The following TEC variants were observed in gnomAD, a reference collection of about 807,000 sequenced individuals.
TEC encodes the protein tec protein tyrosine kinase.
TEC carries 72 observed loss-of-function variants against 93.0 expected under a neutral mutation model. The ratio of observed to expected loss-of-function variants is 0.77; its 90% CI spans 0.64 to 0.94. TEC has a LOEUF of 0.94. Ranked by LOEUF, TEC falls within the 40% of genes least tolerant of loss-of-function variation. The pLI is 0.00. For synonymous variants in TEC, 249 were observed against 247.7 expected (o/e 1.01, Z -0.05); for missense variants, 630 against 757.9 (o/e 0.83, Z 1.98).
rs1240965997 is a variant in TEC at position 48,146,375 on chromosome 4, G to C, written c.1031C>G (p.Pro344Arg). Residue 344 changes from proline to arginine, a missense_variant, in exon 12 of 18, where the codon CCA becomes CGA. Around this residue, in one of 3 missense-constraint regions of TEC, gnomAD observed 289 missense variants for 390.0 expected, o/e 0.74. Coordinates refer to ENST00000381501, the MANE Select transcript of TEC (RefSeq NM_003215.3). ...AAGLVTRLRY[P>R]VSVKGKNAPT... ...TGCATTCTTCCCTTTCACACTAACT[G>C]GGTACCGAAGCCTGGTGACAAGTCC... 5.6e-6 allele frequency: 9 copies of C among 1,613,820 alleles called. No individual in the cohort carries two copies. The highest frequency in any genetic ancestry group is 6.8e-6 in the Non-Finnish European group (8 of 1,179,806).
intron 2 of TEC, among the ~76,000 whole-genome samples, chr4:48,226,768 C>T (rs941452822): frequency 4.6e-5 from 7 of 152,186 alleles, no homozygotes; most frequent in African/African-American, 1.4e-4. Context: ...GTGTCCCTAA[C>T]CCTACATTGA....
intron 10 of TEC, among the ~76,000 whole-genome samples, chr4:48,150,341 C>T (rs1384341740): frequency 1.3e-5 from 2 of 152,156 alleles, no homozygotes; most frequent in African/African-American, 4.8e-5. Flanking sequence ...AGAAACACTC[C>T]GTCTCCTCCC....
intron 9 of TEC, among the ~76,000 whole-genome samples, chr4:48,152,521 T>C (rs1392632857): frequency 1.3e-5 from 2 of 152,156 alleles, no homozygotes; most frequent in African/African-American, 4.8e-5. Context: ...ATTTATTCTG[T>C]TCTAATGTTC....
intron 1 of TEC, among the ~76,000 whole-genome samples, chr4:48,238,652 T>A (rs1163661149): frequency 6.7e-6 from 1 of 149,492 alleles, no homozygotes; most frequent in African/African-American, 2.5e-5. Context: ...TGCAGATATA[T>A]GCATTACATA....
chr4:48,200,998 G>C (rs1466457411), intron 2 of TEC, among the ~76,000 whole-genome samples: 1 of 152,152 alleles, frequency 6.6e-6, no homozygotes, highest in Non-Finnish European at 1.5e-5. Flanking sequence ...ATTGTGTGTG[G>C]TACATAGCAT....
chr4:48,172,156 G>A (rs4695343), intron 3 of TEC, among the ~76,000 whole-genome samples: 57,666 of 152,050 alleles, frequency 0.38, 11,960 homozygotes, highest in East Asian at 0.9. Context: ...AGTCCTTGGT[G>A]GGCAATTAGA....
chr4:48,239,929 G>A (rs1462859622), intron 1 of TEC, among the ~76,000 whole-genome samples: 2 of 151,880 alleles, frequency 1.3e-5, no homozygotes, highest in African/African-American at 2.4e-5. Flanking sequence ...TTGATGATAT[G>A]AGGATTTGAT....
intron 1 of TEC, 144 bp from the exon 2 acceptor site, chr4:48,228,803 G>C: frequency 1.7e-6 from 1 of 574,424 alleles, no homozygotes; most frequent in South Asian, 3.5e-5. Context: ...AGAATGCCTG[G>C]GGCACAAAAA....
intron 1 of TEC, among the ~76,000 whole-genome samples, chr4:48,260,508 A>G (rs191321601): frequency 2.6e-5 from 4 of 152,306 alleles, no homozygotes; most frequent in African/African-American, 9.6e-5. Context: ...CTGAAGCTCA[A>G]ACCTTCTATT....
chr4:48,168,764 T>A (rs1442020740), intron 5 of TEC, 138 bp from the exon 6 acceptor site: 1 of 793,052 alleles, frequency 1.3e-6, no homozygotes, highest in Admixed American at 2.9e-5. Context: ...TGGTGTATGC[T>A]GCTTGTATCT....
chr4:48,188,385 T>C (rs1560399451), intron 2 of TEC, among the ~76,000 whole-genome samples: 2 of 152,168 alleles, frequency 1.3e-5, no homozygotes, highest in Non-Finnish European at 2.9e-5. Context: ...TTTTTATTGA[T>C]AAAGAGACAT....
rs543503252 is a variant in TEC at position 48,156,668 on chromosome 4, A to C, written c.792+12T>G. On this transcript the variant is annotated intron_variant, in intron 9 of 17. Coordinates refer to ENST00000381501, the MANE Select transcript of TEC (RefSeq NM_003215.3). ...TTGCCCTTAAGCCAAACCCACAAGTACAAACACTTACTTCACTGCGGAGGA... is the reference window on the plus strand; with the variant it reads ...TTGCCCTTAAGCCAAACCCACAAGTCCAAACACTTACTTCACTGCGGAGGA... 1 of 1,608,000 alleles carries C rather than the reference A, an allele frequency of 6.2e-7. No homozygotes were observed. The highest frequency in any genetic ancestry group is 1.3e-5 in the African/African-American group (1 of 74,558).
intron 2 of TEC, among the ~76,000 whole-genome samples, chr4:48,195,325 C>T (rs1722261158): frequency 6.6e-6 from 1 of 152,030 alleles, no homozygotes; most frequent in Non-Finnish European, 1.5e-5. Flanking sequence ...AAAGCCTGAT[C>T]AAAGTTGTAA....
rs946299027 is a variant in TEC at position 48,136,038 on chromosome 4, G to T, written c.*1378C>A. 6.6e-6 allele frequency: 1 copy of T among 152,186 alleles called. No individual in the cohort carries two copies. The highest frequency in any genetic ancestry group is 6.5e-5 in the Admixed American group (1 of 15,286). The allele number at this position is 152,186 out of a possible 1,614,324, so 9.4% of individuals were successfully genotyped here. On this transcript the variant is annotated 3_prime_UTR_variant, in exon 18 of 18. Coordinates refer to ENST00000381501, the MANE Select transcript of TEC (RefSeq NM_003215.3). ...GAAGGGAAGGCGCTGTGTCTTCCTC[G>T]GCTAGTTACCCCACCAACAGCAAGA...
chr4:48,137,465 A>C lies in TEC; in HGVS notation c.1847T>G (p.Leu616Arg). 6.2e-7 allele frequency: 1 copy of C among 1,614,180 alleles called. No homozygotes were observed. The highest frequency in any genetic ancestry group is 8.5e-7 in the Non-Finnish European group (1 of 1,180,024). ...TTCAACTAGTTCATCTATTGTGCGC[A>C]GCAGATCTTCGAAAGAAGGCCTTCC... ...PEGRPSFEDLLRTIDELVECE... is the reference protein window; with the variant it reads ...PEGRPSFEDLRRTIDELVECE... The change falls in exon 18 of 18, where the codon CTG (leucine) becomes CGG (arginine). Residue 616 changes from leucine (L) to arginine (R), a missense_variant. This residue lies in a region of TEC where 289 missense variants were observed against 390.0 expected (regional missense o/e 0.74). Coordinates refer to ENST00000381501, the MANE Select transcript of TEC (RefSeq NM_003215.3).
At chr4:48,201,643 AC>A (rs1277581993) in intron 2 of TEC, among the ~76,000 whole-genome samples, 2 of 152,190 alleles carry the variant, frequency 1.3e-5, no homozygotes, top group East Asian at 3.8e-4. Flanking sequence ...AGAGCTGCTC[AC>A]TGGAGTTCTA....
chr4:48,250,526 A>T (rs1272175391), intron 1 of TEC, among the ~76,000 whole-genome samples: 1 of 152,242 alleles, frequency 6.6e-6, no homozygotes, highest in Non-Finnish European at 1.5e-5. Flanking sequence ...ACTTGACACA[A>T]GCTGAGTCCT....
chr4:48,163,433 CTGTGATTTAT>C (rs904400471), intron 8 of TEC, among the ~76,000 whole-genome samples: 1 of 152,134 alleles, frequency 6.6e-6, no homozygotes, highest in Non-Finnish European at 1.5e-5. Context: ...GTCAGCTAAT[CTGTGATTTAT>C]TTCAAATCAA....
chr4:48,139,916 TG>T (rs1719589935), intron 15 of TEC, among the ~76,000 whole-genome samples: 3 of 152,242 alleles, frequency 2.0e-5, no homozygotes, highest in Admixed American at 2.0e-4. Context: ...AATGCCACTG[TG>T]GGCTGGATCA....
Sources: gnomAD v4.1 joint callset for allele counts (sites outside exome capture counted in the v4.1 genomes callset) on GRCh38, gnomAD v4.1.1 for gene constraint, gnomAD v4.1.1 regional missense constraint, MANE v1.5 for transcripts, NCBI Gene and HGNC (gene_info 2026-07-23, HGNC 2026-07-21) for gene names.